Variants in SPAG16 observed in about 807,000 individuals in gnomAD.
The protein encoded by SPAG16 is sperm-associated antigen 16 protein.
A neutral mutation model predicts 80.4 loss-of-function variants in SPAG16; 86 were observed. The observed-to-expected ratio is 1.07, with a 90% CI of 0.90 to 1.28. The LOEUF (loss-of-function observed/expected upper bound fraction) is 1.28. Ranked by LOEUF, SPAG16 falls within the 50% of genes most tolerant of loss-of-function variation. SPAG16 has a pLI of 0.00. For synonymous variants in SPAG16, 294 were observed against 265.9 expected, an observed-to-expected ratio of 1.11 and a Z score of -1.03; for missense variants, 870 against 765.3, an observed-to-expected ratio of 1.14 and a Z score of -1.61.
chr2:213,755,957 T>A (rs2068307657), intron 10 of SPAG16, among the ~76,000 whole-genome samples: 2 of 152,146 alleles, frequency 1.3e-5, no homozygotes, highest in African/African-American at 4.8e-5. Context: ...TATATCAATA[T>A]CTATATACCT....
At chr2:213,951,489 A>T (rs1357144665) in intron 12 of SPAG16, among the ~76,000 whole-genome samples, 1 of 152,176 alleles carries the variant, frequency 6.6e-6, no homozygotes, top group Non-Finnish European at 1.5e-5. Context: ...TCCTGTTCTC[A>T]ATTTAAATAG....
chr2:213,415,590 A>G (rs1315055139), intron 9 of SPAG16, among the ~76,000 whole-genome samples: 2 of 152,218 alleles, frequency 1.3e-5, no homozygotes, highest in South Asian at 4.1e-4. Context: ...GCAAATCTTC[A>G]TGGTTGATTA....
At chr2:214,111,769 C>G (rs2053677018) in intron 14 of SPAG16, among the ~76,000 whole-genome samples, 1 of 151,974 alleles carries the variant, frequency 6.6e-6, no homozygotes, top group African/African-American at 2.4e-5. Context: ...ATGGAATATT[C>G]TTCCATTTGT....
intron 7 of SPAG16, among the ~76,000 whole-genome samples, chr2:213,361,410 A>G (rs1255261205): frequency 2.8e-5 from 4 of 141,228 alleles, no homozygotes; most frequent in Non-Finnish European, 6.5e-5. Flanking sequence ...TAAAAACTAA[A>G]TCTAAATATA....
intron 15 of SPAG16, among the ~76,000 whole-genome samples, chr2:214,329,024 C>CAAAG (rs908531745): frequency 2.6e-5 from 4 of 152,070 alleles, no homozygotes; most frequent in African/African-American, 4.8e-5. Flanking sequence ...GCCGAGGATA[C>CAAAG]AAAGATGGTT....
intron 9 of SPAG16, among the ~76,000 whole-genome samples, chr2:213,396,229 AT>A (rs2068026796): frequency 6.6e-6 from 1 of 152,194 alleles, no homozygotes; most frequent in Non-Finnish European, 1.5e-5. Context: ...TCCTAAAAAA[AT>A]TCTCATAACA....
At chr2:214,367,772 T>A (rs903825122) in intron 15 of SPAG16, among the ~76,000 whole-genome samples, 3 of 152,204 alleles carry the variant, frequency 2.0e-5, no homozygotes, top group Non-Finnish European at 4.4e-5. Context: ...CACATTGTCT[T>A]CTGATTATAA....
At chr2:213,972,392 C>T (rs1029445440) in intron 12 of SPAG16, among the ~76,000 whole-genome samples, 1 of 152,082 alleles carries the variant, frequency 6.6e-6, no homozygotes, top group Admixed American at 6.6e-5. Context: ...AAGTTATAGG[C>T]ACAGAAAAGA....
At chr2:213,890,428 C>T (rs556140554) in intron 11 of SPAG16, among the ~76,000 whole-genome samples, 19 of 152,156 alleles carry the variant, frequency 1.2e-4, no homozygotes, top group African/African-American at 4.3e-4. Context: ...GCGTGAGCTA[C>T]ACAAAATATA....
At chr2:214,177,912 T>TATAC (rs1553519929) in intron 15 of SPAG16, among the ~76,000 whole-genome samples, 1 of 83,200 alleles carries the variant, frequency 1.2e-5, no homozygotes, top group East Asian at 3.8e-4. Flanking sequence ...TATATATATA[T>TATAC]ATACATATAT....
At chr2:213,932,570 G>A (rs536085407) in intron 12 of SPAG16, among the ~76,000 whole-genome samples, 1 of 152,110 alleles carries the variant, frequency 6.6e-6, no homozygotes, top group Admixed American at 6.6e-5. Context: ...AGAGAAGGAA[G>A]AGTTTAGAAT....
chr2:213,949,179 T>TTTTTTTTTTTTTGTTTTTGTTTTG (rs1553677672), intron 12 of SPAG16, among the ~76,000 whole-genome samples: 1 of 36,242 alleles, frequency 2.8e-5, no homozygotes, highest in Non-Finnish European at 5.5e-5. Flanking sequence ...GTTTTTTTTT[T>TTTTTTTTTTTTTGTTTTTGTTTTG]TTTTTTTTTT....
chr2:213,832,993 T>C (rs1184294803), intron 10 of SPAG16, among the ~76,000 whole-genome samples: 1 of 152,112 alleles, frequency 6.6e-6, no homozygotes, highest in Non-Finnish European at 1.5e-5. Flanking sequence ...GTATATATGT[T>C]TCATATAATA....
intron 10 of SPAG16, among the ~76,000 whole-genome samples, chr2:213,860,342 G>GATATATATAT (rs57174578): frequency 2.1e-5 from 3 of 141,568 alleles, no homozygotes; most frequent in Admixed American, 7.2e-5. Context: ...GTCATTTACA[G>GATATATATAT]ATATATATAT....
intron 14 of SPAG16, among the ~76,000 whole-genome samples, chr2:214,140,661 A>T (rs2125534917): frequency 6.6e-6 from 1 of 152,110 alleles, no homozygotes; most frequent in Non-Finnish European, 1.5e-5. Flanking sequence ...TTGTGGCTAG[A>T]GTATTCCCTT....
chr2:213,710,279 G>A (rs1445645564), intron 10 of SPAG16, among the ~76,000 whole-genome samples: 1 of 146,180 alleles, frequency 6.8e-6, no homozygotes, highest in Non-Finnish European at 1.5e-5. Context: ...GCAAAAATCT[G>A]TCTTTAAAAA....
At chr2:213,448,425 G>T (rs903036689) in intron 9 of SPAG16, among the ~76,000 whole-genome samples, 7 of 152,166 alleles carry the variant, frequency 4.6e-5, no homozygotes, top group African/African-American at 1.7e-4. Context: ...AGTCTTTCTG[G>T]ACTAAACCCC....
intron 12 of SPAG16, among the ~76,000 whole-genome samples, chr2:213,959,331 C>T (rs2044300115): frequency 6.6e-6 from 1 of 152,098 alleles, no homozygotes; most frequent in Non-Finnish European, 1.5e-5. Flanking sequence ...GTAATATAGT[C>T]ACCACTTAAT....
intron 15 of SPAG16, among the ~76,000 whole-genome samples, chr2:214,380,041 A>G (rs1700358746): frequency 6.6e-6 from 1 of 152,152 alleles, no homozygotes; most frequent in African/African-American, 2.4e-5. Context: ...TCTTAGTTCC[A>G]GACATAGTGC....
Sources: allele counts gnomAD v4.1 joint callset (sites outside exome capture counted in the v4.1 genomes callset), GRCh38; gene constraint gnomAD v4.1.1; transcripts MANE v1.5; gene names NCBI Gene and HGNC (gene_info 2026-07-23, HGNC 2026-07-21).